MTUS1: variants seen among roughly 807,000 people sequenced by gnomAD.
MTUS1 encodes microtubule-associated tumor suppressor 1.
A neutral mutation model predicts 120.8 loss-of-function variants in MTUS1; 109 were observed. The ratio of observed to expected loss-of-function variants is 0.90; its 90% CI spans 0.77 to 1.06. The LOEUF (loss-of-function observed/expected upper bound fraction) is 1.06, where lower values mean the gene tolerates loss of function less well. Among genes scored for constraint, MTUS1 ranks in the 50% least tolerant of loss-of-function variants. MTUS1 has a pLI of 0.00. For missense variants in MTUS1, 2,210 were observed against 1,486.3 expected, an observed-to-expected ratio of 1.49 and a Z score of -8.01; for synonymous variants, 737 against 550.5, an observed-to-expected ratio of 1.34 and a Z score of -4.74.
chr8:17,644,501 G>C lies in MTUS1; in HGVS notation c.*1425C>G, dbSNP rs1238856518. ...TTTCCAAAGTCTCAGGATTAGGGGAGGTAATAAGTTTTGGAAAGAAACTGA... is the reference window on the plus strand; with the variant it reads ...TTTCCAAAGTCTCAGGATTAGGGGACGTAATAAGTTTTGGAAAGAAACTGA... On this transcript the variant is annotated 3_prime_UTR_variant, in exon 15 of 15. Transcript: ENST00000693296. 1 of 152,612 alleles carries C rather than the reference G, an allele frequency of 6.6e-6. No homozygotes were observed. The highest frequency in any genetic ancestry group is 1.9e-4 in the East Asian group (1 of 5,192). The allele number at this position is 152,612 out of a possible 1,614,324, so 9.5% of individuals were successfully genotyped here. A position where few individuals can be genotyped will look rare whatever the true frequency, so the allele number is the denominator to read the frequency against.
At chr8:17,730,485 TA>T (rs56305317) in intron 3 of MTUS1, among the ~76,000 whole-genome samples, 82,360 of 122,706 alleles carry the variant, frequency 0.67, 28,190 homozygotes, top group Non-Finnish European at 0.74. Context: ...ACTCTGTCTT[TA>T]AAAAAAAAAA....
intron 8 of MTUS1, among the ~76,000 whole-genome samples, chr8:17,667,202 A>C (rs540938623): frequency 6.6e-6 from 1 of 152,302 alleles, no homozygotes; most frequent in African/African-American, 2.4e-5. Context: ...GCAGATGTGG[A>C]TAGGAAGAGA....
chr8:17,730,164 G>C (rs1001942974), intron 3 of MTUS1, among the ~76,000 whole-genome samples: 1 of 152,150 alleles, frequency 6.6e-6, no homozygotes, highest in African/African-American at 2.4e-5. Context: ...ACAACTGCAT[G>C]TCTAGGTACA....
intron 8 of MTUS1, among the ~76,000 whole-genome samples, chr8:17,660,441 G>T (rs910164908): frequency 6.6e-6 from 1 of 152,126 alleles, no homozygotes; most frequent in African/African-American, 2.4e-5. Flanking sequence ...ACCATCCACG[G>T]ACACTTGGGT....
At chr8:17,702,513 G>A (rs1819298802) in intron 6 of MTUS1, among the ~76,000 whole-genome samples, 1 of 152,086 alleles carries the variant, frequency 6.6e-6, no homozygotes, top group Admixed American at 6.5e-5. Flanking sequence ...TTTCGCCCTT[G>A]CATAACAAAC....
chr8:17,738,331 C>T (rs2047073594), intron 3 of MTUS1, among the ~76,000 whole-genome samples: 1 of 152,186 alleles, frequency 6.6e-6, no homozygotes, highest in Admixed American at 6.5e-5. Flanking sequence ...AGTCACGGGG[C>T]AGGGAGAGCA....
At chr8:17,678,653 T>C (rs1198977750) in intron 7 of MTUS1, among the ~76,000 whole-genome samples, 2 of 151,774 alleles carry the variant, frequency 1.3e-5, no homozygotes, top group African/African-American at 2.4e-5. Flanking sequence ...ATTTGCTCAA[T>C]GCATCTATGT....
rs757825030 is a variant in MTUS1, at chr8:17,645,137, T to C, written c.*789A>G. 3.3e-5 allele frequency: 5 copies of C among 150,810 alleles called. No individual in the cohort carries two copies. The highest frequency in any genetic ancestry group is 1.5e-5 in the Non-Finnish European group (1 of 66,786). 9.3% of individuals were successfully genotyped at this position (150,810 alleles called of 1,614,324 possible). ...TAGCCTGAGAAAATGAATTACAGGA[T>C]AGTGTTAGGCTCACATGGGTAAGTA... is the stretch of plus-strand genomic sequence containing the variant. On this transcript the variant is annotated 3_prime_UTR_variant, in exon 15 of 15. Coordinates refer to ENST00000693296, the MANE Select transcript of MTUS1 (RefSeq NM_001363059.2).
intron 6 of MTUS1, among the ~76,000 whole-genome samples, chr8:17,690,125 T>C (rs1012900291): frequency 6.6e-6 from 1 of 152,084 alleles, no homozygotes; most frequent in Non-Finnish European, 1.5e-5. Context: ...AACTATGCAT[T>C]TGACAAAGAT....
chr8:17,728,032 G>A lies in MTUS1; in HGVS notation c.2288-4199C>T, dbSNP rs371384191. On this transcript the variant is annotated intron_variant, in intron 3 of 14. Transcript: ENST00000693296. Reference sequence around the variant, plus strand: ...AATAAAAATCAGTAAAAGACGCCTAGCAAAACTAAAATTTCAATGGAAAGA... The same window carrying A: ...AATAAAAATCAGTAAAAGACGCCTAACAAAACTAAAATTTCAATGGAAAGA... Among the ~76,000 whole-genome samples the A allele has an allele frequency of 4.6e-5, 7 of 152,180 alleles. No individual in the cohort carries two copies. In the East Asian group the frequency reaches 1.4e-3, roughly 29 times the overall value.
intron 10 of MTUS1, chr8:17,654,089 C>A (rs866316064): frequency 1.2e-5 from 2 of 164,532 alleles, no homozygotes; most frequent in East Asian, 1.7e-4. Context: ...AGACTGTGAG[C>A]GACACTGCCG....
Position 17,753,742 on chromosome 8 carries a change from G to C in MTUS1, c.2066C>G (p.Thr689Ser). Residue 689 changes from threonine (T) to serine (S), a missense_variant, in exon 2 of 15, where the codon ACT (threonine) becomes AGT (serine). Physicochemically the swap from Thr to Ser is moderately conservative, Grantham distance 58 (BLOSUM62 1). Coordinates refer to ENST00000693296, the MANE Select transcript of MTUS1 (RefSeq NM_001363059.2). ...CAAAAACAGAGAACCATATTCAAAAGTCTCATTCATAATCTCTTGTTTCAG... is the reference window on the plus strand; with the variant it reads ...CAAAAACAGAGAACCATATTCAAAACTCTCATTCATAATCTCTTGTTTCAG... ...QELKQEIMNE[T>S]FEYGSLFLGS... 4 of 1,606,566 alleles carry C rather than the reference G, an allele frequency of 2.5e-6. No homozygotes were observed. Among genetic ancestry groups the C allele is most frequent in the African/African-American group, 1.3e-5 (1 of 74,384 alleles).
chr8:17,687,103 A>G (rs938673887), intron 6 of MTUS1, among the ~76,000 whole-genome samples: 1 of 152,184 alleles, frequency 6.6e-6, no homozygotes, highest in African/African-American at 2.4e-5. Flanking sequence ...AGGAGGAAAG[A>G]ACACATTGAT....
intron 7 of MTUS1, among the ~76,000 whole-genome samples, chr8:17,680,015 G>C (rs1355537422): frequency 6.6e-6 from 1 of 152,176 alleles, no homozygotes; most frequent in Non-Finnish European, 1.5e-5. Flanking sequence ...ACTAGATGCA[G>C]ATCCTGCCTT....
chr8:17,770,604 C>G (rs966630412), intron 1 of MTUS1: 1 of 152,168 alleles, frequency 6.6e-6, no homozygotes, highest in African/African-American at 2.4e-5. Flanking sequence ...AACACCAGAC[C>G]GTACAATGAA....
At chr8:17,736,845 A>C (rs1417256733) in intron 3 of MTUS1, among the ~76,000 whole-genome samples, 2 of 152,174 alleles carry the variant, frequency 1.3e-5, no homozygotes, top group Non-Finnish European at 2.9e-5. Context: ...TTGGCCACCC[A>C]AAGTGCTGGG....
intron 1 of MTUS1, among the ~76,000 whole-genome samples, chr8:17,799,382 T>C (rs1034292922): frequency 3.3e-5 from 5 of 152,130 alleles, no homozygotes; most frequent in South Asian, 2.1e-4. Flanking sequence ...CTCCACGCAA[T>C]AGTATATTTA....
chr8:17,801,011 T>G (rs1272036785), intron 1 of MTUS1, 50 bp downstream of exon 1: 1 of 149,394 alleles, frequency 6.7e-6, no homozygotes, highest in Non-Finnish European at 1.5e-5. Flanking sequence ...GCCTGTCCCC[T>G]CCCCACCCCG....
At chr8:17,760,525 G>A (rs2048962530) in intron 1 of MTUS1, among the ~76,000 whole-genome samples, 1 of 152,118 alleles carries the variant, frequency 6.6e-6, no homozygotes, top group Non-Finnish European at 1.5e-5. Flanking sequence ...CAGAAAAGGG[G>A]TGACCGGCCT....
Sources: gnomAD v4.1 joint callset for allele counts (sites outside exome capture counted in the v4.1 genomes callset) on GRCh38, gnomAD v4.1.1 for gene constraint, MANE v1.5 for transcripts, NCBI Gene and HGNC (gene_info 2026-07-23, HGNC 2026-07-21) for gene names.